Variants in FGD3 observed in about 807,000 individuals in gnomAD.
FGD3 encodes FYVE, RhoGEF and PH domain-containing protein 3.
A neutral mutation model predicts 71.8 loss-of-function variants in FGD3; 45 were observed. The observed-to-expected ratio is 0.63, with a 90% CI of 0.49 to 0.80. The LOEUF is 0.80. FGD3 is among the 30% of genes least tolerant of loss of function. The pLI, the probability that FGD3 is intolerant of heterozygous loss-of-function variation, is 0.00. For missense variants in FGD3, 844 were observed against 951.5 expected, an observed-to-expected ratio of 0.89 and a Z score of 1.49; for synonymous variants, 378 against 392.8, an observed-to-expected ratio of 0.96 and a Z score of 0.44.
At position 93,013,984 on chromosome 9, in the gene FGD3, C is replaced by T. The variant is rs561066252; in HGVS notation, c.1168C>T (p.Arg390Cys). ...LSAKNGTPQD[R>C]HLFLFNSMIL... ...AGCCAAGAACGGCACCCCCCAGGAC[C>T]GCCACCTCTTCCTGGTGAGCCTGGC... is the stretch of plus-strand genomic sequence containing the variant. The change falls in exon 9 of 18, where the codon CGC (arginine) becomes TGC (cysteine). Residue 390 changes from arginine (R) to cysteine (C), a missense_variant. Transcript: ENST00000375482. 2.4e-5 allele frequency: 39 copies of T among 1,607,634 alleles called. No individual in the cohort carries two copies. Among genetic ancestry groups the T allele is most frequent in the South Asian group, 8.9e-5 (8 of 90,070 alleles).
chr9:92,962,483 A>C (rs998758476), intron 1 of FGD3, among the ~76,000 whole-genome samples: 2 of 151,838 alleles, frequency 1.3e-5, no homozygotes, highest in Non-Finnish European at 2.9e-5. Context: ...AGGAGCCAAG[A>C]CTCCAGGGCC....
intron 1 of FGD3, among the ~76,000 whole-genome samples, chr9:92,957,217 A>G (rs1434474085): frequency 2.6e-5 from 4 of 152,224 alleles, no homozygotes; most frequent in Non-Finnish European, 5.9e-5. Context: ...GTAGATACCT[A>G]GAAGTGCAAT....
rs991090797 is a variant in FGD3 at position 93,035,794 on chromosome 9, AAG to A, written c.*208_*209del. On this transcript the variant is annotated 3_prime_UTR_variant, in exon 18 of 18. Transcript: ENST00000375482. ...AAGGGTCACCCAGCAAGTTTTGGCTAAGAGCCTGGCCTCCAGCCCCAGCAGTG... is the reference window on the plus strand; with the variant it reads ...AAGGGTCACCCAGCAAGTTTTGGCTAAGCCTGGCCTCCAGCCCCAGCAGTG... The A allele has an allele frequency of 7.0e-6, 5 of 717,242 alleles. No individual in the cohort carries two copies. The African/African-American group carries it at 7.2e-5, about 10-fold the overall frequency. The allele number at this position is 717,242 out of a possible 1,614,324, so 44.4% of individuals were successfully genotyped here.
In FGD3 at chr9:93,010,268, T is replaced by TGACGCTGCAGCACCACATGCTGGAGCCC. The variant is rs1380615977; in HGVS notation, c.862_889dup (p.Val297AspfsTer83). ...CAGAAGCAGGAGGTATGCGGGAACC[T>TGACGCTGCAGCACCACATGCTGGAGCCC]GACGCTGCAGCACCACATGCTGGAG... On this transcript the variant is annotated frameshift_variant, in exon 7 of 18. Coordinates refer to ENST00000375482, the MANE Select transcript of FGD3 (RefSeq NM_001083536.2). LOFTEE classifies it high-confidence loss of function. 1 of 1,611,140 alleles carries TGACGCTGCAGCACCACATGCTGGAGCCC rather than the reference T, an allele frequency of 6.2e-7. No individual in the cohort carries two copies. Among genetic ancestry groups the TGACGCTGCAGCACCACATGCTGGAGCCC allele is most frequent in the Non-Finnish European group, 8.5e-7 (1 of 1,177,758 alleles).
chr9:93,005,649 A>G (rs1449644348), intron 5 of FGD3, among the ~76,000 whole-genome samples: 1 of 152,244 alleles, frequency 6.6e-6, no homozygotes, highest in Non-Finnish European at 1.5e-5. Context: ...AGCATTGGAT[A>G]GAACCATTGT....
chr9:92,990,298 G>A (rs1860357919), intron 3 of FGD3, among the ~76,000 whole-genome samples: 1 of 152,086 alleles, frequency 6.6e-6, no homozygotes, highest in Admixed American at 6.6e-5. Context: ...AGTTAGCTGG[G>A]TATGGTGGTG....
At chr9:93,004,280 C>A in intron 5 of FGD3, 143 bp downstream of exon 5, 1 of 1,017,024 alleles carries the variant, frequency 9.8e-7, no homozygotes, top group Non-Finnish European at 1.4e-6. Context: ...TGGGTCCGAT[C>A]CAGACTCCAC....
At chr9:93,002,311 C>T (rs760674796) in intron 3 of FGD3, among the ~76,000 whole-genome samples, 5 of 152,212 alleles carry the variant, frequency 3.3e-5, no homozygotes, top group South Asian at 2.1e-4. Flanking sequence ...AGGCCAGGCA[C>T]GGTGGCTCAC....
chr9:93,019,767 AG>A, intron 11 of FGD3, 63 bp from the exon 12 acceptor site: 1 of 1,483,890 alleles, frequency 6.7e-7, no homozygotes, highest in African/African-American at 1.4e-5. Flanking sequence ...GGGTTGAGAG[AG>A]GGCTGGTCAT....
At chr9:93,013,508 A>G (rs1861527155) in intron 8 of FGD3, among the ~76,000 whole-genome samples, 6 of 152,210 alleles carry the variant, frequency 3.9e-5, no homozygotes, top group Admixed American at 3.3e-4. Context: ...CAGATACTCA[A>G]CTGACCGCTC....
chr9:92,998,087 C>G (rs1860717644), intron 3 of FGD3, among the ~76,000 whole-genome samples: 1 of 152,212 alleles, frequency 6.6e-6, no homozygotes, highest in East Asian at 1.9e-4. Flanking sequence ...TCCATTCTCC[C>G]CGTCACTTTC....
At chr9:92,953,961 C>T (rs1485606546) in intron 1 of FGD3, among the ~76,000 whole-genome samples, 2 of 152,108 alleles carry the variant, frequency 1.3e-5, no homozygotes, top group Non-Finnish European at 2.9e-5. Flanking sequence ...CAATAGTTCC[C>T]GGCTGGGAAT....
intron 1 of FGD3, among the ~76,000 whole-genome samples, chr9:92,954,511 T>C (rs1021133526): frequency 6.6e-6 from 1 of 152,180 alleles, no homozygotes; most frequent in Admixed American, 6.5e-5. Context: ...AGTGACTGGC[T>C]GTGACCCTAA....
intron 8 of FGD3, among the ~76,000 whole-genome samples, chr9:93,011,571 C>T (rs1196005672): frequency 1.3e-5 from 2 of 152,210 alleles, no homozygotes; most frequent in Non-Finnish European, 2.9e-5. Context: ...AAGAATCACT[C>T]TATGGGCCGG....
intron 3 of FGD3, among the ~76,000 whole-genome samples, chr9:92,994,895 A>C (rs1564154358): frequency 1.3e-5 from 2 of 152,272 alleles, no homozygotes; most frequent in East Asian, 3.9e-4. Context: ...TATAGTTTGA[A>C]GTCGGGTAGC....
At chr9:93,032,963 T>A in intron 16 of FGD3, 90 bp downstream of exon 16, 1 of 1,257,080 alleles carries the variant, frequency 8.0e-7, no homozygotes, top group Non-Finnish European at 1.2e-6. Context: ...CAGCTGCCTC[T>A]GCTTTCGGAG....
chr9:92,983,892 C>A (rs1291723748), intron 3 of FGD3, among the ~76,000 whole-genome samples: 1 of 150,924 alleles, frequency 6.6e-6, no homozygotes, highest in Non-Finnish European at 1.5e-5. Context: ...AATCTTTTAC[C>A]AAAAGCACAT....
intron 16 of FGD3, 175 bp downstream of exon 16, chr9:93,033,048 G>T: frequency 1.4e-6 from 1 of 697,128 alleles, no homozygotes; most frequent in South Asian, 1.5e-5. Flanking sequence ...GGAAGATCCC[G>T]TGTGTGCACG....
At chr9:92,963,179 C>T (rs923887364) in intron 1 of FGD3, among the ~76,000 whole-genome samples, 20 of 152,122 alleles carry the variant, frequency 1.3e-4, no homozygotes, top group South Asian at 4.1e-4. Context: ...TGTTGTCAGA[C>T]GGGGATAACC....
Sources: gnomAD v4.1 joint callset for allele counts (sites outside exome capture counted in the v4.1 genomes callset) on GRCh38, gnomAD v4.1.1 for gene constraint, MANE v1.5 for transcripts, NCBI Gene and HGNC (gene_info 2026-07-23, HGNC 2026-07-21) for gene names.